Variants in ANKRD1 observed in about 807,000 individuals in gnomAD.
ANKRD1 encodes the protein ankyrin repeat domain 1.
In ANKRD1, 32 loss-of-function variants were observed where a neutral mutation model predicts 40.1. That is an observed-to-expected ratio of 0.80 (90% CI 0.60 to 1.07). The LOEUF (loss-of-function observed/expected upper bound fraction) is 1.07, where lower values mean the gene tolerates loss of function less well. Ranked by LOEUF, ANKRD1 falls within the 50% of genes least tolerant of loss-of-function variation. ANKRD1 has a pLI of 0.00. For missense variants in ANKRD1, 359 were observed against 386.0 expected, an observed-to-expected ratio of 0.93 and a Z score of 0.59; for synonymous variants, 149 against 141.2, an observed-to-expected ratio of 1.06 and a Z score of -0.39.
At chr10:90,918,183 G>GGGACTGTTGCT (rs1847393271) in intron 4 of ANKRD1, among the ~76,000 whole-genome samples, 1 of 152,142 alleles carries the variant, frequency 6.6e-6, no homozygotes, top group Non-Finnish European at 1.5e-5. Context: ...TCTTGCATCT[G>GGGACTGTTGCT]GGACTGTTGC....
intron 8 of ANKRD1, 125 bp from the exon 9 acceptor site, chr10:90,913,101 C>T: frequency 1.1e-6 from 1 of 889,570 alleles, no homozygotes; most frequent in Non-Finnish European, 1.8e-6. Flanking sequence ...TGGTTTCCAC[C>T]AGGAGTGATC....
At chr10:90,917,960 G>T in intron 4 of ANKRD1, 130 bp from the exon 5 acceptor site, 1 of 725,864 alleles carries the variant, frequency 1.4e-6, no homozygotes, top group Non-Finnish European at 2.3e-6. Flanking sequence ...TTTATGAATA[G>T]AAATGTCAAA....
intron 6 of ANKRD1, 47 bp from the exon 7 acceptor site, chr10:90,915,927 G>A (rs989843294): frequency 1.3e-6 from 2 of 1,573,928 alleles, no homozygotes; most frequent in Admixed American, 3.5e-5. Context: ...TGAGGACAGA[G>A]GCTGTCCCAG....
intron 5 of ANKRD1, among the ~76,000 whole-genome samples, chr10:90,916,712 G>A (rs1564574043): frequency 6.6e-6 from 1 of 152,152 alleles, no homozygotes; most frequent in South Asian, 2.1e-4. Flanking sequence ...CCCTCTGCCT[G>A]GAACTTCTAA....
At chr10:90,920,869 TC>T in intron 1 of ANKRD1, 131 bp downstream of exon 1, 1 of 840,340 alleles carries the variant, frequency 1.2e-6, no homozygotes, top group Non-Finnish European at 1.9e-6. Flanking sequence ...TTTCATCACA[TC>T]AACCTTTTTC....
Position 90,912,772 on chromosome 10 carries a change from A to G in ANKRD1, c.*94T>C. ...GTACATCTTCACAACACGTTGATAA[A>G]TAGAAACTAGATTTTATGGCTAGTG... On this transcript the variant is annotated 3_prime_UTR_variant, in exon 9 of 9. Coordinates refer to ENST00000371697, the MANE Select transcript of ANKRD1 (RefSeq NM_014391.3). 4 of 1,186,996 alleles carry G rather than the reference A, an allele frequency of 3.4e-6. No individual in the cohort carries two copies. The highest frequency in any genetic ancestry group is 5.0e-6 in the Non-Finnish European group (4 of 792,356). The allele number at this position is 1,186,996 out of a possible 1,614,324, so 73.5% of individuals were successfully genotyped here.
chr10:90,917,822 C>T lies in ANKRD1; in HGVS notation c.462G>A (p.Arg154=). 1 of 1,613,374 alleles carries T rather than the reference C, an allele frequency of 6.2e-7. No individual in the cohort carries two copies. The highest frequency in any genetic ancestry group is 1.3e-5 in the African/African-American group (1 of 75,038). The change falls in exon 5 of 9, where the codon CGG becomes CGA. Residue 154 remains arginine, a synonymous_variant. Transcript: ENST00000371697. ...NNPDVCDEYK[R]TALHRACLEG... ...CCAAGCATGCTCTATGAAGAGCTGT[C>T]CGTTTATACTATCAGAACAGAGATT...
At chr10:90,913,868 G>A (rs1293677726) in intron 8 of ANKRD1, among the ~76,000 whole-genome samples, 2 of 152,086 alleles carry the variant, frequency 1.3e-5, no homozygotes, top group Non-Finnish European at 2.9e-5. Flanking sequence ...AAAATCAGAA[G>A]AGTTAAAAAC....
chr10:90,912,745 A>T lies in ANKRD1; in HGVS notation c.*121T>A. On this transcript the variant is annotated 3_prime_UTR_variant, in exon 9 of 9. Coordinates refer to ENST00000371697, the MANE Select transcript of ANKRD1 (RefSeq NM_014391.3). ...CCCTGTGCTTTCTCAAAACTTCATT[A>T]GGTACATCTTCACAACACGTTGATA... 1.1e-6 allele frequency: 1 copy of T among 940,488 alleles called. No homozygotes were observed. Among genetic ancestry groups the T allele is most frequent in the Non-Finnish European group, 1.7e-6 (1 of 572,364 alleles). 58.3% of individuals were successfully genotyped at this position (940,488 alleles called of 1,614,324 possible). A position where few individuals can be genotyped will look rare whatever the true frequency, so the allele number is the denominator to read the frequency against.
At chr10:90,918,122 A>G (rs916518289) in intron 4 of ANKRD1, among the ~76,000 whole-genome samples, 2 of 152,218 alleles carry the variant, frequency 1.3e-5, no homozygotes, top group Non-Finnish European at 2.9e-5. Flanking sequence ...CGTTTCTTCT[A>G]TCTTGCACCT....
intron 6 of ANKRD1, 103 bp from the exon 7 acceptor site, chr10:90,915,983 G>T: frequency 8.9e-7 from 1 of 1,129,382 alleles, no homozygotes; most frequent in Non-Finnish European, 1.3e-6. Context: ...TAGGGTGCCT[G>T]CACACAGCAT....
At chr10:90,914,408 C>G (rs1051690088) in intron 8 of ANKRD1, among the ~76,000 whole-genome samples, 7 of 151,962 alleles carry the variant, frequency 4.6e-5, no homozygotes, top group African/African-American at 1.7e-4. Context: ...AACCTGTATG[C>G]TATTTGTCTC....
chr10:90,918,773 G>A, intron 4 of ANKRD1, 92 bp downstream of exon 4: 1 of 1,061,146 alleles, frequency 9.4e-7, no homozygotes, highest in Non-Finnish European at 1.4e-6. Context: ...TCAGGTGGAA[G>A]GACTTTGGCA....
chr10:90,914,478 T>C (rs1196793607), intron 8 of ANKRD1, among the ~76,000 whole-genome samples: 5 of 152,134 alleles, frequency 3.3e-5, no homozygotes, highest in African/African-American at 1.2e-4. Flanking sequence ...CTTTCAAGAT[T>C]TCATTTAACC....
At chr10:90,917,919 A>G in intron 4 of ANKRD1, 89 bp from the exon 5 acceptor site, 1 of 1,052,634 alleles carries the variant, frequency 9.5e-7, no homozygotes, top group Non-Finnish European at 1.4e-6. Context: ...GGAGATTCTG[A>G]TGACCTAACT....
chr10:90,918,864 C>T lies in ANKRD1; in HGVS notation c.453+1G>A, dbSNP rs1847399361. ...TTTGCAGTGCTTTGCATGAGTCTTACCTCATCACAAACATCTGGATTGTTC... is the reference window on the plus strand; with the variant it reads ...TTTGCAGTGCTTTGCATGAGTCTTATCTCATCACAAACATCTGGATTGTTC... On this transcript the variant is annotated splice_donor_variant, in intron 4 of 8. Coordinates refer to ENST00000371697, the MANE Select transcript of ANKRD1 (RefSeq NM_014391.3). LOFTEE classifies it high-confidence loss of function. 2 of 1,602,848 alleles carry T rather than the reference C, an allele frequency of 1.2e-6. No homozygotes were observed. The highest frequency in any genetic ancestry group is 3.3e-5 in the Admixed American group (2 of 59,942).
chr10:90,916,319 G>T, intron 5 of ANKRD1, 50 bp from the exon 6 acceptor site: 1 of 1,409,272 alleles, frequency 7.1e-7, no homozygotes, highest in Non-Finnish European at 1.0e-6. Flanking sequence ...GTGGTCTGGG[G>T]AATTAGAACC....
chr10:90,918,991 AATAT>A lies in ANKRD1; in HGVS notation c.346-23_346-20del, dbSNP rs60406118. On this transcript the variant is annotated intron_variant, in intron 3 of 8. Coordinates refer to ENST00000371697, the MANE Select transcript of ANKRD1 (RefSeq NM_014391.3). ...GTTCCGTCTAAAGCCAAAATAAATA[AATAT>A]ATATATATATATATATATATAGCAT... 6.5e-4 allele frequency: 175 copies of A among 268,506 alleles called. No homozygotes were observed. Among genetic ancestry groups the A allele is most frequent in the East Asian group, 2.5e-3 (11 of 4,432 alleles). 16.6% of individuals were successfully genotyped at this position (268,506 alleles called of 1,614,324 possible).
At chr10:90,919,352 C>T in intron 2 of ANKRD1, 84 bp from the exon 3 acceptor site, 1 of 1,241,846 alleles carries the variant, frequency 8.1e-7, no homozygotes, top group South Asian at 1.3e-5. Flanking sequence ...TCTGCAAGGT[C>T]TGAGATAAAC....
Sources: allele counts gnomAD v4.1 joint callset (sites outside exome capture counted in the v4.1 genomes callset), GRCh38; gene constraint gnomAD v4.1.1; transcripts MANE v1.5; gene names NCBI Gene and HGNC (gene_info 2026-07-23, HGNC 2026-07-21).